Variants in NEGR1 observed in about 807,000 individuals in gnomAD.
NEGR1 encodes the protein IgLON family member 4.
Under a neutral mutation model 40.9 loss-of-function variants are expected in NEGR1, and 10 were observed. The observed-to-expected ratio is 0.24, with a 90% confidence interval of 0.15 to 0.42. The LOEUF (loss-of-function observed/expected upper bound fraction) is 0.42, where lower values mean the gene tolerates loss of function less well. Among genes scored for constraint, NEGR1 ranks in the 10% least tolerant of loss-of-function variants. The pLI, the probability that NEGR1 is intolerant of heterozygous loss-of-function variation, is 1.00. For missense variants in NEGR1, 352 were observed against 438.9 expected (o/e 0.80, Z 1.77); for synonymous variants, 185 against 166.8 (o/e 1.11, Z -0.84).
chr1:71,584,657 C>T (rs957548356), intron 6 of NEGR1, among the ~76,000 whole-genome samples: 6 of 152,092 alleles, frequency 3.9e-5, no homozygotes, highest in Admixed American at 3.3e-4. Flanking sequence ...GTCAAAATTA[C>T]AGGGAACACA....
chr1:71,535,630 G>A (rs1647488531), intron 6 of NEGR1, among the ~76,000 whole-genome samples: 1 of 151,632 alleles, frequency 6.6e-6, no homozygotes, highest in Non-Finnish European at 1.5e-5. Flanking sequence ...AGAGAAGTTG[G>A]TTGAGTTGGA....
chr1:71,982,651 C>A (rs1343005805), intron 1 of NEGR1, among the ~76,000 whole-genome samples: 1 of 152,070 alleles, frequency 6.6e-6, no homozygotes, highest in Non-Finnish European at 1.5e-5. Flanking sequence ...TAACTTGGAG[C>A]AGACAGCACA....
At chr1:71,694,868 G>A (rs529149212) in intron 4 of NEGR1, among the ~76,000 whole-genome samples, 22 of 151,708 alleles carry the variant, frequency 1.5e-4, no homozygotes, top group African/African-American at 3.6e-4. Flanking sequence ...AATTCTATGC[G>A]CACAATCAAT....
chr1:71,686,660 G>A (rs933415994), intron 4 of NEGR1, among the ~76,000 whole-genome samples: 21 of 152,236 alleles, frequency 1.4e-4, no homozygotes, highest in South Asian at 4.1e-4. Context: ...AGCAGTAGGC[G>A]CAGGAAGAAG....
chr1:71,588,228 T>C (rs1649372721), intron 6 of NEGR1, among the ~76,000 whole-genome samples: 1 of 152,138 alleles, frequency 6.6e-6, no homozygotes, highest in South Asian at 2.1e-4. Context: ...GTTGCTCATG[T>C]TCAGGAAGCA....
chr1:72,182,949 A>C (rs1348189993), intron 1 of NEGR1, among the ~76,000 whole-genome samples: 1 of 152,068 alleles, frequency 6.6e-6, no homozygotes, highest in Non-Finnish European at 1.5e-5. Context: ...AATATCATAC[A>C]GAATGAAATT....
chr1:72,087,687 T>C (rs915288719), intron 1 of NEGR1, among the ~76,000 whole-genome samples: 11 of 150,604 alleles, frequency 7.3e-5, no homozygotes, highest in African/African-American at 2.4e-4. Context: ...TGTGATACCA[T>C]AACTCAGTGA....
At chr1:72,086,468 C>G (rs1268185642) in intron 1 of NEGR1, among the ~76,000 whole-genome samples, 1 of 152,130 alleles carries the variant, frequency 6.6e-6, no homozygotes, top group Non-Finnish European at 1.5e-5. Flanking sequence ...TAAAGGTGAA[C>G]CTGATTCTTT....
At chr1:71,839,665 C>T (rs1428922252) in intron 2 of NEGR1, among the ~76,000 whole-genome samples, 1 of 152,106 alleles carries the variant, frequency 6.6e-6, no homozygotes, top group Non-Finnish European at 1.5e-5. Flanking sequence ...ATACAACAGG[C>T]TGCTTCTTCA....
intron 6 of NEGR1, among the ~76,000 whole-genome samples, chr1:71,560,681 A>G (rs357213): frequency 1 from 150,233 of 150,950 alleles, 74,760 homozygotes; most frequent in Middle Eastern, 1. Flanking sequence ...TGTGTCTCAT[A>G]AAAGTGATCA....
chr1:71,865,335 A>C (rs142951281), intron 2 of NEGR1, among the ~76,000 whole-genome samples: 3,149 of 152,202 alleles, frequency 0.021, 70 homozygotes, highest in South Asian at 0.1. Flanking sequence ...GGAACCAACC[A>C]AAATGCCCAT....
intron 1 of NEGR1, among the ~76,000 whole-genome samples, chr1:72,018,351 C>T (rs1156328147): frequency 6.6e-6 from 1 of 152,092 alleles, no homozygotes; most frequent in Non-Finnish European, 1.5e-5. Flanking sequence ...CATTGCTTTT[C>T]AGGTATTTTT....
At chr1:71,587,038 C>A (rs1188171755) in intron 6 of NEGR1, among the ~76,000 whole-genome samples, 1 of 152,056 alleles carries the variant, frequency 6.6e-6, no homozygotes, top group South Asian at 2.1e-4. Context: ...TTTATTACTG[C>A]CTCTTTCAAC....
intron 5 of NEGR1, among the ~76,000 whole-genome samples, chr1:71,606,826 G>A (rs1650090166): frequency 6.6e-6 from 1 of 151,110 alleles, no homozygotes; most frequent in Non-Finnish European, 1.5e-5. Context: ...CTTCTTTTAA[G>A]GGGTTTTAAG....
intron 1 of NEGR1, among the ~76,000 whole-genome samples, chr1:72,074,269 T>A (rs1034111790): frequency 3.3e-5 from 5 of 152,108 alleles, no homozygotes; most frequent in Non-Finnish European, 5.9e-5. Flanking sequence ...CTAATATTCG[T>A]CTGTTGGTCA....
intron 3 of NEGR1, among the ~76,000 whole-genome samples, chr1:71,719,883 A>C (rs1245162715): frequency 2.0e-5 from 3 of 152,098 alleles, no homozygotes; most frequent in Non-Finnish European, 1.5e-5. Context: ...ACATTACTGT[A>C]CTTAAGATTC....
At chr1:71,438,315 A>G (rs1280084987) in intron 6 of NEGR1, among the ~76,000 whole-genome samples, 1 of 152,230 alleles carries the variant, frequency 6.6e-6, no homozygotes, top group African/African-American at 2.4e-5. Context: ...ATTGGTACTT[A>G]CATACATATT....
intron 2 of NEGR1, among the ~76,000 whole-genome samples, chr1:71,849,801 C>A (rs945647662): frequency 6.6e-6 from 1 of 152,200 alleles, no homozygotes; most frequent in East Asian, 1.9e-4. Flanking sequence ...GATGAAGGCT[C>A]GGATGATTCT....
chr1:72,156,191 CTCTA>C (rs1266722101), intron 1 of NEGR1, among the ~76,000 whole-genome samples: 3 of 152,084 alleles, frequency 2.0e-5, no homozygotes, highest in South Asian at 2.1e-4. Context: ...CGTGTTCTGA[CTCTA>C]TCTGTTTGAA....
Sources: gnomAD v4.1 joint callset for allele counts (sites outside exome capture counted in the v4.1 genomes callset) on GRCh38, gnomAD v4.1.1 for gene constraint, MANE v1.5 for transcripts, NCBI Gene and HGNC (gene_info 2026-07-23, HGNC 2026-07-21) for gene names.